Variants in MYCBP observed in about 807,000 individuals in gnomAD.
MYCBP encodes the protein MYC binding protein, also known as C-Myc-binding protein.
In MYCBP, 5 loss-of-function variants were observed where a neutral mutation model predicts 16.8. That is an observed-to-expected ratio of 0.30 (90% CI 0.16 to 0.63). The LOEUF is 0.63. MYCBP is among the 20% of genes least tolerant of loss of function. The probability of loss-of-function intolerance (pLI) is 0.83; values close to 1 mark genes in which losing one functional copy is unlikely to be tolerated. For missense variants in MYCBP, 103 were observed against 121.8 expected, an observed-to-expected ratio of 0.85 and a Z score of 0.73; for synonymous variants, 35 against 43.7, an observed-to-expected ratio of 0.80 and a Z score of 0.79.
chr1:38,866,922 C>T lies in MYCBP; in HGVS notation c.225G>A (p.Lys75=), dbSNP rs1642354175. 1 of 1,583,268 alleles carries T rather than the reference C, an allele frequency of 6.3e-7. No homozygotes were observed. The highest frequency in any genetic ancestry group is 8.6e-7 in the Non-Finnish European group (1 of 1,165,018). ...LRLELAEMKE[K]YEAIVEENKK... ...TATTTTCTTCTACAATAGCTTCATA[C>T]TTCTCTTTCATTTCGGCCAGTTCTA... Residue 75 remains lysine, a synonymous_variant, in exon 4 of 5, where the codon AAG becomes AAA. Transcript: ENST00000397572.
chr1:38,866,594 C>T (rs568627604), intron 4 of MYCBP, among the ~76,000 whole-genome samples: 2 of 151,782 alleles, frequency 1.3e-5, no homozygotes, highest in East Asian at 3.9e-4. Flanking sequence ...TTTTTGTATT[C>T]TTAGTAGAGA....
rs1642273715 is a variant in MYCBP, at chr1:38,863,084, G to A, written c.*1586C>T. Reference sequence around the variant, plus strand: ...AAGTCATTCCTCTTTATCACACCCAGCACTTAGTCCACTGCTGCCCATGTA... The same window carrying A: ...AAGTCATTCCTCTTTATCACACCCAACACTTAGTCCACTGCTGCCCATGTA... On this transcript the variant is annotated 3_prime_UTR_variant, in exon 5 of 5. Transcript: ENST00000397572. 1 of 152,138 alleles carries A rather than the reference G, an allele frequency of 6.6e-6. No individual in the cohort carries two copies. Among genetic ancestry groups the A allele is most frequent in the African/African-American group, 2.4e-5 (1 of 41,424 alleles). 9.4% of individuals were successfully genotyped at this position (152,138 alleles called of 1,614,324 possible). A position where few individuals can be genotyped will look rare whatever the true frequency, so the allele number is the denominator to read the frequency against.
chr1:38,871,847 C>T (rs931415575), intron 2 of MYCBP, among the ~76,000 whole-genome samples: 7 of 152,120 alleles, frequency 4.6e-5, no homozygotes, highest in Middle Eastern at 3.2e-3. Flanking sequence ...GACTTTTATC[C>T]TCCCCTGCTT....
At position 38,867,624 on chromosome 1, in the gene MYCBP, A is replaced by G; in HGVS notation, c.89-14T>C. On this transcript the variant is annotated splice_polypyrimidine_tract_variant and intron_variant, in intron 2 of 4. Transcript: ENST00000397572. ...AGGCTACCAACACTGCAAATCAAAAAGCAGAAAAAGCAACAATTGACGTAT... is the reference window on the plus strand; with the variant it reads ...AGGCTACCAACACTGCAAATCAAAAGGCAGAAAAAGCAACAATTGACGTAT... The G allele has an allele frequency of 6.2e-7, 1 of 1,611,836 alleles. No homozygotes were observed.
At chr1:38,865,134 C>CT (rs1228299432) in intron 4 of MYCBP, among the ~76,000 whole-genome samples, 1 of 152,198 alleles carries the variant, frequency 6.6e-6, no homozygotes, top group African/African-American at 2.4e-5. Flanking sequence ...CTACTAATGT[C>CT]TTTGAGTTAA....
In MYCBP at chr1:38,866,913, A is replaced by C. The variant is rs768695919; in HGVS notation, c.234T>G (p.Ala78=). ...ELAEMKEKYE[A]IVEENKKLKA... ...TCAGTTTTTTATTTTCTTCTACAAT[A>C]GCTTCATACTTCTCTTTCATTTCGG... The change falls in exon 4 of 5, where the codon GCT becomes GCG. Residue 78 remains alanine, a synonymous_variant. Coordinates refer to ENST00000397572, the MANE Select transcript of MYCBP (RefSeq NM_012333.5). 1.1e-5 allele frequency: 18 copies of C among 1,575,368 alleles called. No homozygotes were observed. In the South Asian group the frequency reaches 1.9e-4, roughly 16 times the overall value.
At chr1:38,869,739 T>C (rs970004189) in intron 2 of MYCBP, among the ~76,000 whole-genome samples, 4 of 152,276 alleles carry the variant, frequency 2.6e-5, no homozygotes, top group African/African-American at 9.6e-5. Context: ...TCAAATCATC[T>C]TGGAAATAAG....
At position 38,863,892 on chromosome 1, in the gene MYCBP, A is replaced by G. The variant is rs929837474; in HGVS notation, c.*778T>C. On this transcript the variant is annotated 3_prime_UTR_variant, in exon 5 of 5. Transcript: ENST00000397572. ...AGCTTGTGTGTGAACCCAGAGTTGT[A>G]TATTGCCTCTGTCCTGTGCTCAGTA... 1 of 152,420 alleles carries G rather than the reference A, an allele frequency of 6.6e-6. No individual in the cohort carries two copies. Among genetic ancestry groups the G allele is most frequent in the African/African-American group, 2.4e-5 (1 of 41,454 alleles). The allele number at this position is 152,420 out of a possible 1,614,324, so 9.4% of individuals were successfully genotyped here.
chr1:38,864,426 A>G lies in MYCBP; in HGVS notation c.*244T>C, dbSNP rs1570879740. 1 of 527,610 alleles carries G rather than the reference A, an allele frequency of 1.9e-6. No homozygotes were observed. Among genetic ancestry groups the G allele is most frequent in the East Asian group, 3.3e-5 (1 of 30,200 alleles). 32.7% of individuals were successfully genotyped at this position (527,610 alleles called of 1,614,324 possible). A position where few individuals can be genotyped will look rare whatever the true frequency, so the allele number is the denominator to read the frequency against. ...TAATAAACAGAATGTCTTTTAAGGT[A>G]ATGAGTTAGATGGCTGTGTTTAGGT... is the stretch of plus-strand genomic sequence containing the variant. On this transcript the variant is annotated 3_prime_UTR_variant, in exon 5 of 5. Coordinates refer to ENST00000397572, the MANE Select transcript of MYCBP (RefSeq NM_012333.5).
In MYCBP at chr1:38,866,019, T is replaced by TAGTAA. The variant is rs1642326802; in HGVS notation, c.267+856_267+860dup. ...ACATTAACCAATATTCTCATCCTTT[T>TAGTAA]AGTAATACAGGTTCCTAAGAACCTC... is the stretch of plus-strand genomic sequence containing the variant. On this transcript the variant is annotated intron_variant, in intron 4 of 4. Coordinates refer to ENST00000397572, the MANE Select transcript of MYCBP (RefSeq NM_012333.5). 2.7e-5 allele frequency among the ~76,000 whole-genome samples: 4 copies of TAGTAA among 146,910 alleles called. No homozygotes were observed. The South Asian group carries it at 8.6e-4, about 31-fold the overall frequency.
chr1:38,871,000 G>A (rs111965860), intron 2 of MYCBP, among the ~76,000 whole-genome samples: 4 of 152,158 alleles, frequency 2.6e-5, no homozygotes, highest in African/African-American at 7.2e-5. Flanking sequence ...AGCACTCTGC[G>A]GGGCTGAGGT....
chr1:38,870,715 C>T (rs1466484910), intron 2 of MYCBP, among the ~76,000 whole-genome samples: 1 of 141,746 alleles, frequency 7.1e-6, no homozygotes, highest in Admixed American at 7.6e-5. Context: ...ATGGCGTGAA[C>T]CCGGGAAGCG....
intron 4 of MYCBP, 74 bp from the exon 5 acceptor site, chr1:38,864,788 T>A: frequency 7.2e-7 from 1 of 1,389,748 alleles, no homozygotes; most frequent in Non-Finnish European, 1.0e-6. Flanking sequence ...ACAAGGTAAC[T>A]GTTATATTCA....
At chr1:38,864,770 A>G in intron 4 of MYCBP, 56 bp from the exon 5 acceptor site, 2 of 1,526,218 alleles carry the variant, frequency 1.3e-6, no homozygotes, top group South Asian at 1.1e-5. Flanking sequence ...TGAGTAAAAA[A>G]TAGTAAAACA....
chr1:38,866,316 G>A (rs962818431), intron 4 of MYCBP, among the ~76,000 whole-genome samples: 9 of 151,874 alleles, frequency 5.9e-5, no homozygotes, highest in African/African-American at 2.2e-4. Flanking sequence ...CCAAAGTGCT[G>A]GGATTATAGG....
At chr1:38,868,732 C>T (rs570309831) in intron 2 of MYCBP, among the ~76,000 whole-genome samples, 12 of 152,044 alleles carry the variant, frequency 7.9e-5, no homozygotes, top group Admixed American at 2.6e-4. Context: ...AGTGAAACCC[C>T]GTCTCTACTA....
At chr1:38,867,723 C>T in intron 2 of MYCBP, 113 bp from the exon 3 acceptor site, 1 of 862,838 alleles carries the variant, frequency 1.2e-6, no homozygotes, top group South Asian at 1.4e-5. Context: ...GAGCACATTG[C>T]AAAGACTATA....
chr1:38,872,275 C>A (rs572247005), intron 2 of MYCBP, among the ~76,000 whole-genome samples: 3 of 152,316 alleles, frequency 2.0e-5, no homozygotes, highest in Non-Finnish European at 2.9e-5. Context: ...ACATAGCAGG[C>A]ATTCAAATTA....
chr1:38,864,784 T>A, intron 4 of MYCBP, 70 bp from the exon 5 acceptor site: 1 of 1,411,984 alleles, frequency 7.1e-7, no homozygotes, highest in South Asian at 1.2e-5. Context: ...TAAAACAAGG[T>A]AACTGTTATA....
Sources: allele counts gnomAD v4.1 joint callset (sites outside exome capture counted in the v4.1 genomes callset), GRCh38; gene constraint gnomAD v4.1.1; transcripts MANE v1.5; gene names NCBI Gene and HGNC (gene_info 2026-07-23, HGNC 2026-07-21).